The following CACNA1I variants were observed in gnomAD, a reference collection of about 807,000 sequenced individuals.
The protein encoded by CACNA1I is calcium voltage-gated channel subunit alpha1 I.
CACNA1I carries 74 observed loss-of-function variants against 201.6 expected under a neutral mutation model. The ratio of observed to expected loss-of-function variants is 0.37; its 90% confidence interval spans 0.30 to 0.45. The LOEUF (loss-of-function observed/expected upper bound fraction) is 0.45, where lower values mean the gene tolerates loss of function less well. CACNA1I is among the 20% of genes least tolerant of loss of function. CACNA1I has a pLI of 1.00. For missense variants in CACNA1I, 2,346 were observed against 3,138.1 expected (o/e 0.75, Z 6.03); for synonymous variants, 1,431 against 1,345.2 (o/e 1.06, Z -1.40).
chr22:39,682,613 A>G lies in CACNA1I; in HGVS notation c.5782A>G (p.Ile1928Val). The G allele has an allele frequency of 6.2e-7, 1 of 1,613,400 alleles. No homozygotes were observed. The highest frequency in any genetic ancestry group is 1.7e-5 in the Admixed American group (1 of 60,002). ...GAACTTCCTGTGTGAGATGGAGGAG[A>G]TCCCATTCAACCCTGTCCGGTCCTG... ...PENFLCEMEE[I>V]PFNPVRSWLK... The change falls in exon 35 of 37, where the codon ATC becomes GTC. Residue 1928 changes from isoleucine (I) to valine (V), a missense_variant. By Grantham distance (29) the Ile-to-Val change is conservative (BLOSUM62 3). This residue lies in a region of CACNA1I where 441 missense variants were observed against 555.6 expected (regional missense o/e 0.79). Coordinates refer to ENST00000402142, the MANE Select transcript of CACNA1I (RefSeq NM_021096.4).
chr22:39,596,889 T>C (rs1436787457), intron 1 of CACNA1I, among the ~76,000 whole-genome samples: 1 of 152,094 alleles, frequency 6.6e-6, no homozygotes, highest in African/African-American at 2.4e-5. Flanking sequence ...CTGCTTTTAC[T>C]GCATGAGAGC....
At chr22:39,613,194 C>CT (rs1300829592) in intron 3 of CACNA1I, among the ~76,000 whole-genome samples, 2 of 151,766 alleles carry the variant, frequency 1.3e-5, no homozygotes, top group Non-Finnish European at 2.9e-5. Context: ...TTTCTTTCTT[C>CT]TTTTTTTCTG....
chr22:39,571,491 T>G (rs1932182853), intron 1 of CACNA1I, among the ~76,000 whole-genome samples: 1 of 152,182 alleles, frequency 6.6e-6, no homozygotes, highest in South Asian at 2.1e-4. Context: ...TGGGCTCATG[T>G]TCCCCCTGCT....
chr22:39,624,467 T>C (rs2146399874), intron 4 of CACNA1I, among the ~76,000 whole-genome samples: 1 of 152,246 alleles, frequency 6.6e-6, no homozygotes, highest in South Asian at 2.1e-4. Context: ...GCTGGGCAGT[T>C]GGGGGAGTGT....
rs115771134 is a variant in CACNA1I at position 39,609,678 on chromosome 22, G to A, written c.482+9025G>A. 9.9e-3 allele frequency among the ~76,000 whole-genome samples: 1,508 copies of A among 152,338 alleles called. 30 individuals are homozygous for A. Among genetic ancestry groups the A allele is most frequent in the African/African-American group, 0.034 (1,414 of 41,568 alleles). ...GGGTCTGATGGACACCTGAGTGGCA[G>A]CAAGGCTAGGAAAGCAGAAAGCATC... is the stretch of plus-strand genomic sequence containing the variant. On this transcript the variant is annotated intron_variant, in intron 3 of 36. Transcript: ENST00000402142.
In CACNA1I at chr22:39,594,219, A is replaced by G. The variant is rs530990339; in HGVS notation, c.237-3932A>G. Among the ~76,000 whole-genome samples, 6 of 152,012 alleles carry G rather than the reference A, an allele frequency of 3.9e-5. No individual in the cohort carries two copies. In the South Asian group the frequency reaches 1.2e-3, roughly 32 times the overall value. The stretch of plus-strand genomic sequence containing the variant: ...CCTTATCTGTAAAATGGGCCTGCTG[A>G]CCTCCACTGCTCAGGGCCTTGTTGA... On this transcript the variant is annotated intron_variant, in intron 1 of 36. Coordinates refer to ENST00000402142, the MANE Select transcript of CACNA1I (RefSeq NM_021096.4).
chr22:39,591,838 G>A (rs974024163), intron 1 of CACNA1I, among the ~76,000 whole-genome samples: 1 of 152,250 alleles, frequency 6.6e-6, no homozygotes, highest in African/African-American at 2.4e-5. Flanking sequence ...GGGATCACAG[G>A]CATAAGCCAC....
chr22:39,583,197 A>AATCCATCC (rs142463491), intron 1 of CACNA1I, among the ~76,000 whole-genome samples: 12 of 119,782 alleles, frequency 1.0e-4, no homozygotes, highest in East Asian at 4.6e-4. Context: ...TCTATCCAAC[A>AATCCATCC]ATCCATCCAT....
At chr22:39,618,451 G>A (rs574359697) in intron 3 of CACNA1I, among the ~76,000 whole-genome samples, 6 of 152,216 alleles carry the variant, frequency 3.9e-5, no homozygotes, top group East Asian at 1.9e-4. Context: ...GTGACTGTGC[G>A]TGTGTGCACA....
rs1601783151 is a variant in CACNA1I at position 39,570,852 on chromosome 22, T to C, written c.100T>C (p.Ser34Pro). 3.1e-6 allele frequency: 5 copies of C among 1,613,176 alleles called. No homozygotes were observed. The highest frequency in any genetic ancestry group is 1.7e-4 in the Middle Eastern group (1 of 6,060). ...EQPGPRSPPS[S>P]PPGLEEPLDG... is the part of the protein sequence containing the mutation. ...GCCCGGACCCCGGAGCCCCCCATCCTCCCCGCCAGGCCTGGAGGAGCCTCT... is the reference window on the plus strand; with the variant it reads ...GCCCGGACCCCGGAGCCCCCCATCCCCCCCGCCAGGCCTGGAGGAGCCTCT... Residue 34 changes from serine (S) to proline (P), a missense_variant, in exon 1 of 37, where the codon TCC (serine) becomes CCC (proline). Transcript: ENST00000402142.
intron 10 of CACNA1I, among the ~76,000 whole-genome samples, chr22:39,655,924 G>GGC (rs1221801605): frequency 5.3e-5 from 8 of 152,196 alleles, no homozygotes; most frequent in Non-Finnish European, 8.8e-5. Flanking sequence ...GTGTGTGCGT[G>GGC]GCGCGCGCGG....
At position 39,618,316 on chromosome 22, in the gene CACNA1I, C is replaced by CGT. The variant is rs574726506; in HGVS notation, c.483-986_483-985dup. 8.4e-5 allele frequency among the ~76,000 whole-genome samples: 11 copies of CGT among 131,144 alleles called. No homozygotes were observed. In the East Asian group the frequency reaches 9.2e-4, roughly 11 times the overall value. 86.0% of individuals were successfully genotyped at this position (131,144 alleles called of 152,430 possible). On this transcript the variant is annotated intron_variant, in intron 3 of 36. Transcript: ENST00000402142. ...GTGTGTGCAGGTGTGTGATTATGTG[C>CGT]GTGTGTGTGATTGTGCAGGTGTGTG...
intron 4 of CACNA1I, among the ~76,000 whole-genome samples, chr22:39,628,075 C>T (rs1280964319): frequency 6.6e-6 from 1 of 152,158 alleles, no homozygotes; most frequent in African/African-American, 2.4e-5. Context: ...GCCTCCCTCT[C>T]CCCCTCCCTC....
chr22:39,598,482 C>T (rs1486387032), intron 2 of CACNA1I, among the ~76,000 whole-genome samples: 2 of 152,016 alleles, frequency 1.3e-5, no homozygotes, highest in Non-Finnish European at 2.9e-5. Flanking sequence ...TCCTCACTCC[C>T]ACCTGGTCTT....
chr22:39,592,089 C>G (rs552214209), intron 1 of CACNA1I, among the ~76,000 whole-genome samples: 7 of 152,316 alleles, frequency 4.6e-5, no homozygotes, highest in African/African-American at 1.7e-4. Flanking sequence ...AGGGCCCAGG[C>G]TGTGCTGAGG....
intron 4 of CACNA1I, among the ~76,000 whole-genome samples, chr22:39,634,075 C>T (rs771963372): frequency 2.0e-5 from 3 of 152,198 alleles, no homozygotes; most frequent in Non-Finnish European, 4.4e-5. Flanking sequence ...GCCTCTGGGA[C>T]AAGGGGGTTG....
At position 39,686,016 on chromosome 22, in the gene CACNA1I, C is replaced by T; in HGVS notation, c.6283C>T (p.Pro2095Ser). ...RSHSSGGSTS[P>S]GCTHHDSMDP... Reference sequence around the variant, plus strand: ...CCACAGCAGCGGGGGCTCCACCAGCCCGGGCTGCACCCACCACGACTCCAT... The same window carrying T: ...CCACAGCAGCGGGGGCTCCACCAGCTCGGGCTGCACCCACCACGACTCCAT... Residue 2095 changes from proline (P) to serine (S), a missense_variant, in exon 37 of 37, where the codon CCG becomes TCG. Coordinates refer to ENST00000402142, the MANE Select transcript of CACNA1I (RefSeq NM_021096.4). 1.6e-6 allele frequency: 2 copies of T among 1,238,478 alleles called. No individual in the cohort carries two copies. The highest frequency in any genetic ancestry group is 2.0e-6 in the Non-Finnish European group (2 of 994,982). The allele number at this position is 1,238,478 out of a possible 1,614,324, so 76.7% of individuals were successfully genotyped here. A position where few individuals can be genotyped will look rare whatever the true frequency, so the allele number is the denominator to read the frequency against.
Position 39,665,720 on chromosome 22 carries a change from T to C in CACNA1I, c.3978+96T>C. The stretch of plus-strand genomic sequence containing the variant: ...GGAGAGACTCCACATTCCAACCTCA[T>C]GCGCCTTGCCAGCTGTGGGCTTCTC... On this transcript the variant is annotated intron_variant, in intron 22 of 36. Transcript: ENST00000402142. This position sits in a 1 kb window ranked among gnomAD's most constrained non-coding sequence, Gnocchi z 5.5. 4 of 1,555,170 alleles carry C rather than the reference T, an allele frequency of 2.6e-6. No individual in the cohort carries two copies. Among genetic ancestry groups the C allele is most frequent in the Non-Finnish European group, 2.6e-6 (3 of 1,139,554 alleles).
Position 39,665,411 on chromosome 22 carries a change from C to T in CACNA1I, c.3852-87C>T. ...CCCTGGGGACTCATGCCCTGGGATA[C>T]TCAGCCCTGGTGACTCTGGGCTGAG... On this transcript the variant is annotated intron_variant, in intron 21 of 36. Coordinates refer to ENST00000402142, the MANE Select transcript of CACNA1I (RefSeq NM_021096.4). This position sits in a 1 kb window ranked among gnomAD's most constrained non-coding sequence, Gnocchi z 5.5. 6.6e-7 allele frequency: 1 copy of T among 1,526,316 alleles called. No homozygotes were observed. Among genetic ancestry groups the T allele is most frequent in the Non-Finnish European group, 8.9e-7 (1 of 1,121,308 alleles). The allele number at this position is 1,526,316 out of a possible 1,614,324, so 94.5% of individuals were successfully genotyped here.
Sources: gnomAD v4.1 joint callset for allele counts (sites outside exome capture counted in the v4.1 genomes callset) on GRCh38, gnomAD v4.1.1 for gene constraint, gnomAD v4.1.1 regional missense constraint, Gnocchi (gnomAD v3.1) non-coding constraint, MANE v1.5 for transcripts, NCBI Gene and HGNC (gene_info 2026-07-23, HGNC 2026-07-21) for gene names.